The following NBAS variants were observed in gnomAD, a reference collection of about 807,000 sequenced individuals.
NBAS encodes the protein NBAS subunit of NRZ tethering complex.
NBAS carries 219 observed loss-of-function variants against 302.5 expected under a neutral mutation model. That is an observed-to-expected ratio of 0.72 (90% CI 0.65 to 0.81). NBAS has a LOEUF of 0.81. Among genes scored for constraint, NBAS ranks in the 30% least tolerant of loss-of-function variants. The pLI is 0.00. For synonymous variants in NBAS, 1,118 were observed against 1,021.6 expected (o/e 1.09, Z -1.80); for missense variants, 2,932 against 2,841.6 (o/e 1.03, Z -0.72).
the NBAS span, among the ~76,000 whole-genome samples, chr2:14,849,306 G>C: frequency 6.6e-6 from 1 of 152,166 alleles, no homozygotes; most frequent in South Asian, 2.1e-4. Flanking sequence ...GAGCCAATGC[G>C]ATCAACTGGA....
chr2:15,157,749 C>T, the NBAS span, among the ~76,000 whole-genome samples: 6 of 152,302 alleles, frequency 3.9e-5, no homozygotes, highest in African/African-American at 1.2e-4. Flanking sequence ...AACTGAGGAA[C>T]ATCATGGAAA....
chr2:14,996,241 C>T, the NBAS span, among the ~76,000 whole-genome samples: 50 of 152,094 alleles, frequency 3.3e-4, no homozygotes, highest in East Asian at 1.9e-4. Flanking sequence ...TACTTATGTT[C>T]GTCTTAAGTG....
Position 15,535,864 on chromosome 2 carries a change from C to T in NBAS, c.647+554G>A, listed in dbSNP as rs150808378. On this transcript the variant is annotated intron_variant, in intron 8 of 51. Transcript: ENST00000281513. ...ACGTAAACTATTAGAATAGGCAAAA[C>T]TAATCTGTGATTTTAAAAAAATTTT... Among the ~76,000 whole-genome samples the T allele has an allele frequency of 2.6e-3, 392 of 152,238 alleles. 1 individual carries two copies. Among genetic ancestry groups the T allele is most frequent in the Middle Eastern group, 0.014 (4 of 294 alleles).
the NBAS span, among the ~76,000 whole-genome samples, chr2:14,891,669 G>A: frequency 1.3e-5 from 2 of 152,080 alleles, no homozygotes; most frequent in Non-Finnish European, 2.9e-5. Flanking sequence ...ATTCACACCT[G>A]GTAAATAGCA....
the NBAS span, among the ~76,000 whole-genome samples, chr2:15,012,043 CATA>C: frequency 6.6e-6 from 1 of 152,064 alleles, no homozygotes; most frequent in Non-Finnish European, 1.5e-5. Context: ...TCCAAAGGAA[CATA>C]ATAATTCTCC....
At chr2:15,425,741 T>C (rs1313867411) in intron 22 of NBAS, among the ~76,000 whole-genome samples, 1 of 152,112 alleles carries the variant, frequency 6.6e-6, no homozygotes, top group Non-Finnish European at 1.5e-5. Context: ...ATCTCTTACA[T>C]CTGCTCTATT....
the NBAS span, among the ~76,000 whole-genome samples, chr2:15,104,052 T>C: frequency 2.0e-5 from 3 of 152,144 alleles, no homozygotes; most frequent in African/African-American, 7.2e-5. Flanking sequence ...ATAATCCCCA[T>C]GTGTCAAGGG....
intron 26 of NBAS, among the ~76,000 whole-genome samples, chr2:15,400,547 G>A (rs1676100328): frequency 1.3e-5 from 2 of 152,094 alleles, no homozygotes; most frequent in South Asian, 4.1e-4. Context: ...AACAACACGA[G>A]CATAACATTT....
At chr2:15,202,765 C>T (rs989068023) in intron 48 of NBAS, among the ~76,000 whole-genome samples, 7 of 152,058 alleles carry the variant, frequency 4.6e-5, no homozygotes, top group African/African-American at 1.2e-4. Flanking sequence ...CTCAAACTCC[C>T]GACCTCAGGT....
intron 27 of NBAS, 51 bp from the exon 28 acceptor site, chr2:15,394,400 T>A: frequency 6.3e-7 from 1 of 1,596,170 alleles, no homozygotes; most frequent in South Asian, 1.1e-5. Context: ...ACAAAAAGAG[T>A]CTAAGAATCT....
intron 28 of NBAS, among the ~76,000 whole-genome samples, chr2:15,388,999 T>C (rs867327347): frequency 3.5e-4 from 53 of 152,174 alleles, no homozygotes; most frequent in Admixed American, 3.3e-3. Flanking sequence ...TCCATATATA[T>C]ATACACTCAG....
the NBAS span, among the ~76,000 whole-genome samples, chr2:14,981,375 C>A: frequency 6.6e-6 from 1 of 152,216 alleles, no homozygotes; most frequent in Non-Finnish European, 1.5e-5. Context: ...TCAACCTATT[C>A]ATCAAATGGA....
Position 15,321,595 on chromosome 2 carries a change from C to CA in NBAS, c.4582+6154dup, listed in dbSNP as rs548650417. On this transcript the variant is annotated intron_variant, in intron 38 of 51. Transcript: ENST00000281513. ...TCAAACAGTGGGCAAAGGATATGAACAGACACTTCTGAAAACATCTATGCA... is the reference window on the plus strand; with the variant it reads ...TCAAACAGTGGGCAAAGGATATGAACAAGACACTTCTGAAAACATCTATGCA... 9.2e-5 allele frequency among the ~76,000 whole-genome samples: 14 copies of CA among 152,272 alleles called. No homozygotes were observed. In the East Asian group the frequency reaches 2.7e-3, roughly 29 times the overall value.
chr2:15,529,544 G>A lies in NBAS; in HGVS notation c.746+4999C>T, dbSNP rs927482991. On this transcript the variant is annotated intron_variant, in intron 9 of 51. Coordinates refer to ENST00000281513, the MANE Select transcript of NBAS (RefSeq NM_015909.4). Reference sequence around the variant, plus strand: ...AATCAAGCTGAACTAAACCCAAAAAGACTTTAAAGGAAGAAACCTCACTTA... The same window carrying A: ...AATCAAGCTGAACTAAACCCAAAAAAACTTTAAAGGAAGAAACCTCACTTA... 3.9e-5 allele frequency among the ~76,000 whole-genome samples: 6 copies of A among 152,030 alleles called. No homozygotes were observed. In the South Asian group the frequency reaches 1.0e-3, roughly 26 times the overall value.
intron 10 of NBAS, among the ~76,000 whole-genome samples, chr2:15,508,376 G>T (rs540891711): frequency 3.3e-5 from 5 of 152,266 alleles, no homozygotes; most frequent in African/African-American, 1.2e-4. Context: ...GTGAAAAAAG[G>T]TTCCCTGGTA....
the NBAS span, among the ~76,000 whole-genome samples, chr2:14,835,731 G>A: frequency 6.6e-6 from 1 of 151,744 alleles, no homozygotes; most frequent in African/African-American, 2.4e-5. Flanking sequence ...ATTTTTTTGT[G>A]GATGTTTGAG....
intron 9 of NBAS, among the ~76,000 whole-genome samples, chr2:15,516,582 G>A (rs1415860580): frequency 6.6e-6 from 1 of 152,026 alleles, no homozygotes. Flanking sequence ...AATTATCCAG[G>A]TGTGGTGGCG....
chr2:14,825,176 A>T, the NBAS span, among the ~76,000 whole-genome samples: 1 of 152,152 alleles, frequency 6.6e-6, no homozygotes, highest in Non-Finnish European at 1.5e-5. Context: ...CCAGCTACTG[A>T]ACAAGGAACA....
chr2:15,331,617 A>G (rs1356017611), intron 35 of NBAS, among the ~76,000 whole-genome samples: 1 of 152,248 alleles, frequency 6.6e-6, no homozygotes, highest in African/African-American at 2.4e-5. Flanking sequence ...ACTTAGATCT[A>G]TATCATGTTA....
Sources: allele counts gnomAD v4.1 joint callset (sites outside exome capture counted in the v4.1 genomes callset), GRCh38; gene constraint gnomAD v4.1.1; transcripts MANE v1.5; gene names NCBI Gene and HGNC (gene_info 2026-07-23, HGNC 2026-07-21).